The following DLST variants were observed in gnomAD, a reference collection of about 807,000 sequenced individuals.
DLST encodes the protein dihydrolipoamide S-succinyltransferase.
Under a neutral mutation model 53.1 loss-of-function variants are expected in DLST, and 17 were observed. That is an observed-to-expected ratio of 0.32 (90% CI 0.22 to 0.48). The LOEUF (loss-of-function observed/expected upper bound fraction) is 0.48. DLST is among the 20% of genes least tolerant of loss of function. DLST has a pLI of 0.99. For synonymous variants in DLST, 206 were observed against 204.8 expected, an observed-to-expected ratio of 1.01 and a Z score of -0.05; for missense variants, 512 against 583.9, an observed-to-expected ratio of 0.88 and a Z score of 1.27.
chr14:74,885,586 G>A lies in DLST; in HGVS notation c.98G>A (p.Gly33Glu). 1.2e-6 allele frequency: 2 copies of A among 1,614,034 alleles called. No individual in the cohort carries two copies. The highest frequency in any genetic ancestry group is 1.7e-4 in the Middle Eastern group (1 of 6,058). The change falls in exon 3 of 15, where the codon GGG becomes GAG. Residue 33 changes from glycine (G) to glutamate (E), a missense_variant and splice_region_variant. Gly to Glu is a moderately conservative substitution (Grantham distance 98). Around this residue, in one of 4 missense-constraint regions of DLST, gnomAD observed 129 missense variants for 90.9 expected, o/e 1.42. Transcript: ENST00000334220. The stretch of plus-strand genomic sequence containing the variant: ...TTAAGAGTTATTTTGTTTCTTGCAG[G>A]GGTCTCCTTATGCCAGGGACCAGGT... ...NCPLGRRSLP[G>E]VSLCQGPGYP...
At chr14:74,900,438 C>T in intron 13 of DLST, 66 bp downstream of exon 13, 1 of 1,446,432 alleles carries the variant, frequency 6.9e-7, no homozygotes, top group Non-Finnish European at 9.7e-7. Context: ...GAAGGCTGGG[C>T]TCACTAGCAA....
At chr14:74,887,663 G>A (rs557643789) in intron 3 of DLST, among the ~76,000 whole-genome samples, 1 of 152,298 alleles carries the variant, frequency 6.6e-6, no homozygotes, top group African/African-American at 2.4e-5. Context: ...CTAGCCCCCC[G>A]AATGCCTCTT....
rs927735002 is a variant in DLST at position 74,898,593 on chromosome 14, C to G, written c.901+94C>G. ...CATGCAGAGGATCAACAGACCAAGGCTTTTTATTTGCTACCTATAGAAATA... is the reference window on the plus strand; with the variant it reads ...CATGCAGAGGATCAACAGACCAAGGGTTTTTATTTGCTACCTATAGAAATA... On this transcript the variant is annotated intron_variant, in intron 11 of 14. Transcript: ENST00000334220. 5.6e-6 allele frequency: 8 copies of G among 1,433,580 alleles called. No individual in the cohort carries two copies. In the African/African-American group the frequency reaches 8.7e-5, roughly 16 times the overall value. The allele number at this position is 1,433,580 out of a possible 1,614,324, so 88.8% of individuals were successfully genotyped here.
chr14:74,888,232 G>C (rs983619334), intron 3 of DLST, among the ~76,000 whole-genome samples: 1 of 151,720 alleles, frequency 6.6e-6, no homozygotes, highest in Admixed American at 6.6e-5. Flanking sequence ...AACCGAGTAG[G>C]AGATACCATA....
At chr14:74,888,420 C>G (rs1305601454) in intron 3 of DLST, among the ~76,000 whole-genome samples, 1 of 151,864 alleles carries the variant, frequency 6.6e-6, no homozygotes, top group Non-Finnish European at 1.5e-5. Flanking sequence ...CTGGGCAGGC[C>G]GTAAATCTAT....
chr14:74,898,030 G>A (rs1403770998), intron 10 of DLST, among the ~76,000 whole-genome samples: 1 of 151,322 alleles, frequency 6.6e-6, no homozygotes, highest in Non-Finnish European at 1.5e-5. Context: ...TTTTTTTCAG[G>A]ATGGATAGCT....
At chr14:74,885,768 G>A (rs1883682300) in intron 3 of DLST, 134 bp downstream of exon 3, 1 of 779,470 alleles carries the variant, frequency 1.3e-6, no homozygotes, top group Non-Finnish European at 2.1e-6. Context: ...TGAGTCCCTA[G>A]ACTAACCTCA....
Position 74,902,458 on chromosome 14 carries a change from C to A in DLST, c.*128C>A. Reference sequence around the variant, plus strand: ...ATGCTGTTGGCCTCAAGCAAGGAAGCAGAGCACTGTGTAACCAGCAGTCAC... The same window carrying A: ...ATGCTGTTGGCCTCAAGCAAGGAAGAAGAGCACTGTGTAACCAGCAGTCAC... On this transcript the variant is annotated 3_prime_UTR_variant, in exon 15 of 15. Transcript: ENST00000334220. 8.3e-7 allele frequency: 1 copy of A among 1,211,126 alleles called. No homozygotes were observed. The highest frequency in any genetic ancestry group is 1.1e-6 in the Non-Finnish European group (1 of 886,204). 75.0% of individuals were successfully genotyped at this position (1,211,126 alleles called of 1,614,324 possible).
At chr14:74,891,461 C>G (rs554272790) in intron 7 of DLST, 1 of 1,031,662 alleles carries the variant, frequency 9.7e-7, no homozygotes, top group South Asian at 4.4e-5. Flanking sequence ...CATACCTAAT[C>G]TGAAAATTCA....
intron 11 of DLST, among the ~76,000 whole-genome samples, 191 bp downstream of exon 11, chr14:74,898,690 C>T (rs1015084943): frequency 1.3e-5 from 2 of 152,274 alleles, no homozygotes; most frequent in Admixed American, 1.3e-4. Context: ...TACCCGCCAG[C>T]TGGGCAGAAC....
Position 74,899,984 on chromosome 14 carries a change from G to A in DLST, c.963G>A (p.Val321=), listed in dbSNP as rs773376278. The A allele has an allele frequency of 6.2e-7, 1 of 1,613,670 alleles. No homozygotes were observed. Among genetic ancestry groups the A allele is most frequent in the South Asian group, 1.1e-5 (1 of 91,042 alleles). The change falls in exon 12 of 15, where the codon GTG becomes GTA. Residue 321 remains valine (V), a synonymous_variant. Coordinates refer to ENST00000334220, the MANE Select transcript of DLST (RefSeq NM_001933.5). ...ATTATATTGACATCAGTGTTGCAGT[G>A]GCCACCCCACGGGTATGTTGGGGCA... ...YRDYIDISVA[V]ATPRGLVVPV...
chr14:74,885,073 A>C (rs1883655654), intron 2 of DLST, among the ~76,000 whole-genome samples: 1 of 152,212 alleles, frequency 6.6e-6, no homozygotes, highest in South Asian at 2.1e-4. Context: ...GGAGACCCCG[A>C]GCCTAAAGTA....
Position 74,891,370 on chromosome 14 carries a change from C to T in DLST, c.442+203C>T, listed in dbSNP as rs1411733731. On this transcript the variant is annotated intron_variant, in intron 7 of 14. Transcript: ENST00000334220. ...AAAAGTGTATTTTTTAAAAAATAAACCTTATACTCTGTTCTTTCCATGGGT... is the reference window on the plus strand; with the variant it reads ...AAAAGTGTATTTTTTAAAAAATAAATCTTATACTCTGTTCTTTCCATGGGT... 6.1e-6 allele frequency: 8 copies of T among 1,310,344 alleles called. No individual in the cohort carries two copies. The East Asian group carries it at 2.0e-4, about 34-fold the overall frequency. The allele number at this position is 1,310,344 out of a possible 1,614,324, so 81.2% of individuals were successfully genotyped here. A position where few individuals can be genotyped will look rare whatever the true frequency, so the allele number is the denominator to read the frequency against.
In DLST at chr14:74,882,021, G is replaced by A. The variant is rs1883532745; in HGVS notation, c.63+5G>A. The A allele has an allele frequency of 1.9e-6, 3 of 1,557,056 alleles. No individual in the cohort carries two copies. Among genetic ancestry groups the A allele is most frequent in the East Asian group, 2.5e-5 (1 of 40,174 alleles). ...TCGCTCTCCGCCTTCCAGAAGGTAC[G>A]GTCTGGCCGAGCCGGGGCCCCGACG... On this transcript the variant is annotated splice_donor_5th_base_variant and intron_variant, in intron 1 of 14. Transcript: ENST00000334220.
At chr14:74,898,582 A>G (rs772290526) in intron 11 of DLST, 83 bp downstream of exon 11, 2 of 1,501,296 alleles carry the variant, frequency 1.3e-6, no homozygotes, top group East Asian at 2.4e-5. Context: ...CAGAGGATCA[A>G]CAGACCAAGG....
Position 74,903,402 on chromosome 14 carries a change from T to C in DLST, c.*1072T>C, listed in dbSNP as rs375207347. 5 of 152,372 alleles carry C rather than the reference T, an allele frequency of 3.3e-5. No individual in the cohort carries two copies. Among genetic ancestry groups the C allele is most frequent in the East Asian group, 1.9e-4 (1 of 5,192 alleles). 9.4% of individuals were successfully genotyped at this position (152,372 alleles called of 1,614,324 possible). ...GGGTAGGAAACCACCCTGAGGGTGTTAGTACCTAGTGGTGAAACGGATGAG... is the reference window on the plus strand; with the variant it reads ...GGGTAGGAAACCACCCTGAGGGTGTCAGTACCTAGTGGTGAAACGGATGAG... On this transcript the variant is annotated 3_prime_UTR_variant, in exon 15 of 15. Transcript: ENST00000334220.
intron 11 of DLST, 111 bp downstream of exon 11, chr14:74,898,610 A>G (rs1170946769): frequency 9.9e-6 from 13 of 1,318,310 alleles, no homozygotes; most frequent in African/African-American, 6.0e-5. Context: ...TTTGCTACCT[A>G]TAGAAATATC....
intron 2 of DLST, among the ~76,000 whole-genome samples, chr14:74,885,349 T>A (rs1398244571): frequency 6.6e-6 from 1 of 152,200 alleles, no homozygotes; most frequent in Non-Finnish European, 1.5e-5. Context: ...CATCAAATTT[T>A]TTCTCTTTCC....
intron 2 of DLST, among the ~76,000 whole-genome samples, chr14:74,883,234 G>T (rs1324852767): frequency 1.3e-5 from 2 of 151,092 alleles, no homozygotes; most frequent in East Asian, 3.9e-4. Context: ...GGCGGAGCTT[G>T]CAGTGAGCCG....
Sources: allele counts gnomAD v4.1 joint callset (sites outside exome capture counted in the v4.1 genomes callset), GRCh38; gene constraint gnomAD v4.1.1; regional missense constraint gnomAD v4.1.1; transcripts MANE v1.5; gene names NCBI Gene and HGNC (gene_info 2026-07-23, HGNC 2026-07-21).